Variants in WWTR1 observed in about 807,000 individuals in gnomAD.
The protein encoded by WWTR1 is WW domain-containing transcription regulator protein 1.
In WWTR1, 13 loss-of-function variants were observed where a neutral mutation model predicts 40.1. That is an observed-to-expected ratio of 0.32 (90% confidence interval 0.21 to 0.52). The LOEUF (loss-of-function observed/expected upper bound fraction) is 0.52, where lower values mean the gene tolerates loss of function less well. WWTR1 is among the 20% of genes least tolerant of loss of function. WWTR1 has a pLI of 0.97. For synonymous variants in WWTR1, 230 were observed against 210.1 expected, an observed-to-expected ratio of 1.09 and a Z score of -0.82; for missense variants, 436 against 523.1, an observed-to-expected ratio of 0.83 and a Z score of 1.63.
chr3:149,707,097 G>C (rs1484497086), upstream of WWTR1, among the ~76,000 whole-genome samples: 1 of 152,130 alleles, frequency 6.6e-6, no homozygotes, highest in Non-Finnish European at 1.5e-5. Context: ...AAGATGTGCT[G>C]GCCAGCTGTC....
intron 5 of WWTR1, among the ~76,000 whole-genome samples, chr3:149,713,059 G>C (rs1053616218): frequency 3.9e-5 from 6 of 152,126 alleles, no homozygotes; most frequent in Non-Finnish European, 7.3e-5. Context: ...CTGCGTATGA[G>C]AGTGACTATC....
At chr3:149,631,940 A>G (rs1711563730) in intron 2 of WWTR1, among the ~76,000 whole-genome samples, 1 of 152,170 alleles carries the variant, frequency 6.6e-6, no homozygotes, top group South Asian at 2.1e-4. Context: ...ATTCATTTAG[A>G]GACAGGATCT....
chr3:149,671,157 G>C (rs965256564), intron 1 of WWTR1, among the ~76,000 whole-genome samples: 1 of 152,038 alleles, frequency 6.6e-6, no homozygotes, highest in Admixed American at 6.6e-5. Context: ...GAACCACCAA[G>C]AAGGGAACAC....
chr3:149,520,711 T>A lies in WWTR1; in HGVS notation c.*94A>T. The A allele has an allele frequency of 8.3e-7, 1 of 1,204,154 alleles. No individual in the cohort carries two copies. The highest frequency in any genetic ancestry group is 1.1e-6 in the Non-Finnish European group (1 of 905,392). 74.6% of individuals were successfully genotyped at this position (1,204,154 alleles called of 1,614,324 possible). A position where few individuals can be genotyped will look rare whatever the true frequency, so the allele number is the denominator to read the frequency against. ...GAGCACGAGTCATGGAGGCGGGAAG[T>A]GGTGCACCTGCAGACTTGCTCTGCT... On this transcript the variant is annotated 3_prime_UTR_variant, in exon 7 of 7. Transcript: ENST00000360632.
intron 1 of WWTR1, among the ~76,000 whole-genome samples, chr3:149,674,257 GTCTTTCTCTATC>G (rs111928633): frequency 0.032 from 4,792 of 150,938 alleles, 153 homozygotes; most frequent in East Asian, 0.12. Context: ...CTCTCTGTCT[GTCTTTCTCTATC>G]TCTTTCTCTC....
chr3:149,572,796 A>G (rs763607857), intron 3 of WWTR1, 68 bp downstream of exon 3: 41 of 1,561,820 alleles, frequency 2.6e-5, no homozygotes, highest in Admixed American at 5.5e-5. Flanking sequence ...AGCCTGGGCA[A>G]CAAAGGGAGA....
chr3:149,546,402 T>G (rs976375127), intron 3 of WWTR1, among the ~76,000 whole-genome samples: 2 of 152,240 alleles, frequency 1.3e-5, no homozygotes, highest in Non-Finnish European at 1.5e-5. Flanking sequence ...AAATTCTGTA[T>G]GATGATTCCA....
rs1274240073 is a variant in WWTR1, at chr3:149,656,787, T to TCACACACACACACA, written c.431+88_431+89insTGTGTGTGTGTGTG. The TCACACACACACACA allele has an allele frequency of 4.7e-6, 4 of 857,970 alleles. No homozygotes were observed. The African/African-American group carries it at 7.5e-5, about 16-fold the overall frequency. 53.1% of individuals were successfully genotyped at this position (857,970 alleles called of 1,614,324 possible). A position where few individuals can be genotyped will look rare whatever the true frequency, so the allele number is the denominator to read the frequency against. ...CTTTCTCTCTCTCTCTCTCTCTCTC[T>TCACACACACACACA]CTCTCACACACACACACACACACAC... On this transcript the variant is annotated intron_variant, in intron 2 of 6. Coordinates refer to ENST00000360632, the MANE Select transcript of WWTR1 (RefSeq NM_015472.6).
intron 2 of WWTR1, among the ~76,000 whole-genome samples, chr3:149,633,077 A>G (rs1436688230): frequency 1.3e-5 from 2 of 152,236 alleles, no homozygotes; most frequent in East Asian, 1.9e-4. Context: ...TGTAAATTAT[A>G]TATCAATGAA....
At chr3:149,592,944 G>T (rs982046116) in intron 2 of WWTR1, among the ~76,000 whole-genome samples, 3 of 151,948 alleles carry the variant, frequency 2.0e-5, no homozygotes, top group Non-Finnish European at 2.9e-5. Context: ...TGTCACTGGG[G>T]CATGCCACAT....
In WWTR1 at chr3:149,652,086, G is replaced by A. The variant is rs139931641; in HGVS notation, c.431+4790C>T. ...TCTCCATCTCCTGACCTCGTGATCC[G>A]CCCGCCTCGGCCTCCCAAAGTGCTG... On this transcript the variant is annotated intron_variant, in intron 2 of 6. Transcript: ENST00000360632. Among the ~76,000 whole-genome samples the A allele has an allele frequency of 9.8e-3, 1,412 of 144,726 alleles. 16 individuals are homozygous for A. Among genetic ancestry groups the A allele is most frequent in the East Asian group, 0.042 (201 of 4,840 alleles). 94.9% of individuals were successfully genotyped at this position (144,726 alleles called of 152,430 possible).
chr3:149,642,240 G>GA (rs1712212257), intron 2 of WWTR1, among the ~76,000 whole-genome samples: 1 of 151,816 alleles, frequency 6.6e-6, no homozygotes, highest in African/African-American at 2.4e-5. Flanking sequence ...GATCAACAGG[G>GA]AGAAACCCCG....
At chr3:149,717,302 T>G (rs1442280164) in intron 5 of WWTR1, 1 of 152,214 alleles carries the variant, frequency 6.6e-6, no homozygotes, top group Non-Finnish European at 1.5e-5. Context: ...ATCTTCAGCC[T>G]AAAAACAATG....
intron 4 of WWTR1, among the ~76,000 whole-genome samples, chr3:149,530,063 G>A (rs913963790): frequency 6.6e-6 from 1 of 152,034 alleles, no homozygotes; most frequent in African/African-American, 2.4e-5. Context: ...AAGAATACAA[G>A]TTGAGGCCGG....
intron 2 of WWTR1, among the ~76,000 whole-genome samples, chr3:149,635,785 G>A (rs1711789414): frequency 6.6e-6 from 1 of 152,172 alleles, no homozygotes; most frequent in Non-Finnish European, 1.5e-5. Context: ...TATTGCTTTA[G>A]CTGAATTTCT....
At chr3:149,547,852 T>C (rs1461692703) in intron 3 of WWTR1, among the ~76,000 whole-genome samples, 6 of 151,412 alleles carry the variant, frequency 4.0e-5, no homozygotes, top group Non-Finnish European at 1.5e-5. Context: ...ATAATTGGCT[T>C]TCTCTTCTGT....
chr3:149,528,108 A>G (rs935085767), intron 4 of WWTR1, 139 bp from the exon 5 acceptor site: 3 of 1,100,870 alleles, frequency 2.7e-6, no homozygotes, highest in Non-Finnish European at 3.8e-6. Context: ...CCAGGCAACC[A>G]TTAGTATTCT....
intron 2 of WWTR1, among the ~76,000 whole-genome samples, chr3:149,594,301 C>G (rs1404532476): frequency 6.6e-6 from 1 of 151,948 alleles, no homozygotes; most frequent in African/African-American, 2.4e-5. Context: ...GGAGTTCCCC[C>G]TCCCCCTCAA....
chr3:149,697,132 G>T (rs13085376), intron 1 of WWTR1, among the ~76,000 whole-genome samples: 14,022 of 152,150 alleles, frequency 0.092, 836 homozygotes, highest in African/African-American at 0.16. Context: ...CTAAGGCTGG[G>T]GAATTTATAA....
Sources: allele counts gnomAD v4.1 joint callset (sites outside exome capture counted in the v4.1 genomes callset), GRCh38; gene constraint gnomAD v4.1.1; transcripts MANE v1.5; gene names NCBI Gene and HGNC (gene_info 2026-07-23, HGNC 2026-07-21).